The following B3GALT1 variants were observed in gnomAD, a reference collection of about 807,000 sequenced individuals.
B3GALT1 encodes beta-1,3-galactosyltransferase 1.
B3GALT1 carries 10 observed loss-of-function variants against 23.2 expected under a neutral mutation model. That is an observed-to-expected ratio of 0.43 (90% CI 0.27 to 0.73). B3GALT1 has a LOEUF of 0.73. B3GALT1 is among the 30% of genes least tolerant of loss of function. The probability of loss-of-function intolerance (pLI) is 0.21; values close to 1 mark genes in which losing one functional copy is unlikely to be tolerated. For missense variants in B3GALT1, 299 were observed against 405.4 expected, an observed-to-expected ratio of 0.74 and a Z score of 2.25; for synonymous variants, 156 against 141.5, an observed-to-expected ratio of 1.10 and a Z score of -0.73.
chr2:167,541,477 A>G (rs538880810), intron 2 of B3GALT1, among the ~76,000 whole-genome samples: 1 of 152,260 alleles, frequency 6.6e-6, no homozygotes, highest in Non-Finnish European at 1.5e-5. Flanking sequence ...CAAGGATTTA[A>G]ACTATGTACA....
intron 3 of B3GALT1, among the ~76,000 whole-genome samples, chr2:167,696,710 A>C (rs1574218195): frequency 6.6e-6 from 1 of 152,200 alleles, no homozygotes; most frequent in East Asian, 1.9e-4. Flanking sequence ...TGGGAATCAA[A>C]AGACAAGAAC....
chr2:167,541,231 G>A (rs946661436), intron 2 of B3GALT1, among the ~76,000 whole-genome samples: 4 of 152,024 alleles, frequency 2.6e-5, no homozygotes, highest in East Asian at 1.9e-4. Flanking sequence ...AGGATAAATC[G>A]TCAGTTTTAG....
intron 1 of B3GALT1, among the ~76,000 whole-genome samples, chr2:167,380,669 C>T (rs1420381581): frequency 6.6e-6 from 1 of 152,114 alleles, no homozygotes; most frequent in Non-Finnish European, 1.5e-5. Flanking sequence ...TTCCTTGTGT[C>T]TTTCCCTCAC....
chr2:167,721,709 G>A (rs1374717054), intron 3 of B3GALT1, among the ~76,000 whole-genome samples: 4 of 152,182 alleles, frequency 2.6e-5, no homozygotes, highest in African/African-American at 7.2e-5. Flanking sequence ...AATCAATGTA[G>A]AATCTTGGGG....
chr2:167,845,487 A>G (rs1689738130), intron 4 of B3GALT1, among the ~76,000 whole-genome samples: 1 of 152,176 alleles, frequency 6.6e-6, no homozygotes, highest in Admixed American at 6.5e-5. Flanking sequence ...GGCTAGACCC[A>G]GAAGAGAGAC....
chr2:167,357,852 ATGAT>A (rs1295384702), intron 1 of B3GALT1, among the ~76,000 whole-genome samples: 5 of 152,232 alleles, frequency 3.3e-5, no homozygotes, highest in Non-Finnish European at 7.3e-5. Context: ...TGCAATATAA[ATGAT>A]AGGTAAAACT....
At chr2:167,863,151 C>T (rs1690138028) in intron 4 of B3GALT1, among the ~76,000 whole-genome samples, 1 of 151,256 alleles carries the variant, frequency 6.6e-6, no homozygotes, top group Non-Finnish European at 1.5e-5. Context: ...GAGGTTTCTG[C>T]TTTTGTGGTA....
intron 1 of B3GALT1, among the ~76,000 whole-genome samples, chr2:167,472,774 G>T: frequency 6.6e-6 from 1 of 152,012 alleles, no homozygotes; most frequent in African/African-American, 2.4e-5. Flanking sequence ...TCTTTATTTG[G>T]CAGTATCTAA....
intron 2 of B3GALT1, among the ~76,000 whole-genome samples, chr2:167,589,180 A>C (rs910211431): frequency 6.6e-6 from 1 of 152,156 alleles, no homozygotes; most frequent in African/African-American, 2.4e-5. Context: ...TCCTGGGCTC[A>C]AACAATCCTC....
At chr2:167,814,597 T>A (rs1468563583) in intron 3 of B3GALT1, among the ~76,000 whole-genome samples, 4 of 147,222 alleles carry the variant, frequency 2.7e-5, no homozygotes, top group Admixed American at 2.7e-4. Flanking sequence ...CCGTCTCTAC[T>A]AAAAAAAAAA....
intron 3 of B3GALT1, among the ~76,000 whole-genome samples, chr2:167,806,688 C>T (rs1688762844): frequency 6.6e-6 from 1 of 152,038 alleles, no homozygotes; most frequent in South Asian, 2.1e-4. Context: ...GGTGGATAAG[C>T]TTTTTGATGT....
chr2:167,557,246 T>A (rs1683870507), intron 2 of B3GALT1, among the ~76,000 whole-genome samples: 1 of 152,196 alleles, frequency 6.6e-6, no homozygotes, highest in African/African-American at 2.4e-5. Flanking sequence ...TCTTATATTG[T>A]ATACTTTTAT....
intron 2 of B3GALT1, among the ~76,000 whole-genome samples, chr2:167,575,215 G>C (rs1027898332): frequency 6.6e-6 from 1 of 151,696 alleles, no homozygotes; most frequent in Non-Finnish European, 1.5e-5. Context: ...ATAAAACATT[G>C]CTATTGCTTT....
intron 3 of B3GALT1, among the ~76,000 whole-genome samples, chr2:167,691,803 G>A (rs1177898522): frequency 6.6e-6 from 1 of 152,152 alleles, no homozygotes; most frequent in Non-Finnish European, 1.5e-5. Flanking sequence ...TATAAGCTGT[G>A]TTAGATAAAG....
At position 167,415,912 on chromosome 2, in the gene B3GALT1, G is replaced by T. The variant is rs559622904; in HGVS notation, c.-510-74265G>T. ...AATACCTAAGCAGCAAACCATTCAG[G>T]CTGCTGCATGACTACTTTTAACCAC... is the stretch of plus-strand genomic sequence containing the variant. On this transcript the variant is annotated intron_variant, in intron 1 of 4. Coordinates refer to ENST00000392690, the MANE Select transcript of B3GALT1 (RefSeq NM_020981.4). Among the ~76,000 whole-genome samples, 4 of 152,244 alleles carry T rather than the reference G, an allele frequency of 2.6e-5. No homozygotes were observed. The East Asian group carries it at 5.8e-4, about 22-fold the overall frequency.
chr2:167,345,862 T>A (rs1348694243), intron 1 of B3GALT1, among the ~76,000 whole-genome samples: 1 of 152,050 alleles, frequency 6.6e-6, no homozygotes, highest in Non-Finnish European at 1.5e-5. Context: ...AAAAAACAAT[T>A]CTTTGTGAGA....
chr2:167,325,007 A>G (rs991910779), intron 1 of B3GALT1, among the ~76,000 whole-genome samples: 2 of 152,092 alleles, frequency 1.3e-5, no homozygotes, highest in Non-Finnish European at 2.9e-5. Flanking sequence ...TTCACTTAAC[A>G]TAATAATCTC....
chr2:167,779,302 C>T (rs1463865133), intron 3 of B3GALT1, among the ~76,000 whole-genome samples: 3 of 152,072 alleles, frequency 2.0e-5, no homozygotes, highest in South Asian at 4.1e-4. Context: ...GCTTACCATA[C>T]GTAGATATAA....
At chr2:167,783,701 G>A (rs924690768) in intron 3 of B3GALT1, among the ~76,000 whole-genome samples, 15 of 152,248 alleles carry the variant, frequency 9.9e-5, no homozygotes, top group Admixed American at 7.2e-4. Context: ...CCAGTGACTC[G>A]GCAGGGGGCA....
Sources: gnomAD v4.1 joint callset for allele counts (sites outside exome capture counted in the v4.1 genomes callset) on GRCh38, gnomAD v4.1.1 for gene constraint, MANE v1.5 for transcripts, NCBI Gene and HGNC (gene_info 2026-07-23, HGNC 2026-07-21) for gene names.